The following CNTNAP4 variants were observed in gnomAD, a reference collection of about 807,000 sequenced individuals.
CNTNAP4 encodes the protein contactin associated protein family member 4, also known as contactin-associated protein-like 4.
CNTNAP4 carries 98 observed loss-of-function variants against 148.4 expected under a neutral mutation model. The observed-to-expected ratio is 0.66, with a 90% CI of 0.56 to 0.78. CNTNAP4 has a LOEUF of 0.78. Ranked by LOEUF, CNTNAP4 falls within the 30% of genes least tolerant of loss-of-function variation. The probability of loss-of-function intolerance (pLI) is 0.00; values close to 1 mark genes in which losing one functional copy is unlikely to be tolerated. For synonymous variants in CNTNAP4, 730 were observed against 565.1 expected (o/e 1.29, Z -4.14); for missense variants, 1,935 against 1,565.6 (o/e 1.24, Z -3.98).
intron 4 of CNTNAP4, among the ~76,000 whole-genome samples, chr16:76,427,871 T>A (rs1176015865): frequency 6.6e-6 from 1 of 152,208 alleles, no homozygotes; most frequent in African/African-American, 2.4e-5. Flanking sequence ...AATAGAATAT[T>A]ATTGACTATG....
At chr16:76,361,353 T>G (rs112816989) in intron 3 of CNTNAP4, among the ~76,000 whole-genome samples, 13 of 152,274 alleles carry the variant, frequency 8.5e-5, no homozygotes, top group South Asian at 4.2e-4. Context: ...CTCTATAGAT[T>G]TGACTATTTT....
intron 2 of CNTNAP4, among the ~76,000 whole-genome samples, chr16:76,352,974 A>G (rs1255962681): frequency 1.3e-5 from 2 of 152,228 alleles, no homozygotes; most frequent in African/African-American, 4.8e-5. Flanking sequence ...TGTCTATGCA[A>G]CAAGCCCTCT....
chr16:76,431,692 G>A (rs1401204098), intron 4 of CNTNAP4, among the ~76,000 whole-genome samples: 1 of 152,158 alleles, frequency 6.6e-6, no homozygotes, highest in African/African-American at 2.4e-5. Context: ...AGTAAAGGGG[G>A]AGGTAAGCAG....
intron 3 of CNTNAP4, among the ~76,000 whole-genome samples, chr16:76,356,266 G>C (rs2012630309): frequency 6.6e-6 from 1 of 151,842 alleles, no homozygotes; most frequent in African/African-American, 2.4e-5. Flanking sequence ...TCTTTCTCTG[G>C]TATATGGGGA....
chr16:76,394,530 A>C (rs917138368), intron 3 of CNTNAP4, among the ~76,000 whole-genome samples: 10 of 152,180 alleles, frequency 6.6e-5, no homozygotes, highest in African/African-American at 2.4e-4. Context: ...AATTTTCACT[A>C]ATTCCTAGAG....
At chr16:76,492,589 C>T (rs1323295181) in intron 13 of CNTNAP4, among the ~76,000 whole-genome samples, 2 of 152,116 alleles carry the variant, frequency 1.3e-5, no homozygotes, top group African/African-American at 4.8e-5. Flanking sequence ...TTGTAATAAT[C>T]CTCACGTGTC....
At chr16:76,359,966 A>G (rs902858638) in intron 3 of CNTNAP4, among the ~76,000 whole-genome samples, 4 of 152,210 alleles carry the variant, frequency 2.6e-5, no homozygotes, top group African/African-American at 7.2e-5. Context: ...TTTATGGTAA[A>G]TGCCTAAGAT....
intron 3 of CNTNAP4, among the ~76,000 whole-genome samples, chr16:76,407,304 G>A (rs74872746): frequency 0.017 from 2,635 of 152,186 alleles, 78 homozygotes; most frequent in African/African-American, 0.061. Flanking sequence ...ACAGGCAAGA[G>A]CCACTGTGTC....
chr16:76,414,762 A>C (rs1219081170), intron 3 of CNTNAP4, among the ~76,000 whole-genome samples: 2 of 151,282 alleles, frequency 1.3e-5, no homozygotes, highest in East Asian at 3.9e-4. Flanking sequence ...ATTGGTTTGG[A>C]ATTTATTTCA....
At chr16:76,320,124 C>A (rs1410346916) in intron 2 of CNTNAP4, among the ~76,000 whole-genome samples, 1 of 152,084 alleles carries the variant, frequency 6.6e-6, no homozygotes, top group East Asian at 1.9e-4. Context: ...GTGTATCTGG[C>A]AAGGGTTCAG....
intron 15 of CNTNAP4, among the ~76,000 whole-genome samples, chr16:76,501,130 A>G (rs1316200019): frequency 6.6e-6 from 1 of 152,224 alleles, no homozygotes; most frequent in Non-Finnish European, 1.5e-5. Context: ...CATCTCTGAT[A>G]TGTATCACCT....
At position 76,538,235 on chromosome 16, in the gene CNTNAP4, A is replaced by C; in HGVS notation, c.3115A>C (p.Arg1039=). The change falls in exon 19 of 24, where the codon AGA becomes CGA. Residue 1039 remains arginine, a synonymous_variant. Coordinates refer to ENST00000611870, the MANE Select transcript of CNTNAP4 (RefSeq NM_033401.5). ...ASFHGDMKLS[R]EMIKFSFRTT... ...ATTTCATGGTGATATGAAGCTGAGC[A>C]GAGAAATGATCAAATTTAGTTTCCG... is the stretch of plus-strand genomic sequence containing the variant. The C allele has an allele frequency of 6.2e-7, 1 of 1,611,902 alleles. No homozygotes were observed.
At chr16:76,450,127 G>A (rs1024173568) in intron 7 of CNTNAP4, among the ~76,000 whole-genome samples, 1 of 151,914 alleles carries the variant, frequency 6.6e-6, no homozygotes, top group African/African-American at 2.4e-5. Flanking sequence ...TTACTCACAG[G>A]AGCCTAATTT....
At chr16:76,423,190 A>G in intron 3 of CNTNAP4, among the ~76,000 whole-genome samples, 1 of 152,158 alleles carries the variant, frequency 6.6e-6, no homozygotes, top group East Asian at 1.9e-4. Context: ...TAAGATACTC[A>G]GTTTATGACT....
intron 3 of CNTNAP4, among the ~76,000 whole-genome samples, chr16:76,416,587 T>C (rs1480629591): frequency 6.6e-6 from 1 of 151,460 alleles, no homozygotes; most frequent in Admixed American, 6.6e-5. Flanking sequence ...TTTAATTCCT[T>C]TATGACCTGA....
In CNTNAP4 at chr16:76,540,809, C is replaced by A. The variant is rs1304641719; in HGVS notation, c.3442+19C>A. The A allele has an allele frequency of 6.6e-7, 1 of 1,507,982 alleles. No homozygotes were observed. Among genetic ancestry groups the A allele is most frequent in the South Asian group, 1.2e-5 (1 of 83,008 alleles). The allele number at this position is 1,507,982 out of a possible 1,614,324, so 93.4% of individuals were successfully genotyped here. A position where few individuals can be genotyped will look rare whatever the true frequency, so the allele number is the denominator to read the frequency against. On this transcript the variant is annotated intron_variant, in intron 21 of 23. Transcript: ENST00000611870. Reference sequence around the variant, plus strand: ...ATTTTAGGTAAGTGAAAGAAACAACCTTTCCCCTAACCATGCTAATCATGA... The same window carrying A: ...ATTTTAGGTAAGTGAAAGAAACAACATTTCCCCTAACCATGCTAATCATGA...
intron 17 of CNTNAP4, among the ~76,000 whole-genome samples, chr16:76,529,901 C>T (rs2083899464): frequency 6.7e-6 from 1 of 150,196 alleles, no homozygotes; most frequent in Non-Finnish European, 1.5e-5. Context: ...GTGATTTCAC[C>T]TGGGAGTGAA....
chr16:76,457,940 T>C (rs1337549370), intron 8 of CNTNAP4, among the ~76,000 whole-genome samples: 3 of 152,152 alleles, frequency 2.0e-5, no homozygotes, highest in African/African-American at 7.2e-5. Context: ...TTTAAATTCT[T>C]GCCCCATGCC....
chr16:76,534,513 C>CT (rs1204958667), intron 17 of CNTNAP4, among the ~76,000 whole-genome samples: 3 of 152,270 alleles, frequency 2.0e-5, no homozygotes, highest in African/African-American at 7.2e-5. Context: ...TTAGGGTACT[C>CT]TTTTCCCGCT....
Sources: gnomAD v4.1 joint callset for allele counts (sites outside exome capture counted in the v4.1 genomes callset) on GRCh38, gnomAD v4.1.1 for gene constraint, MANE v1.5 for transcripts, NCBI Gene and HGNC (gene_info 2026-07-23, HGNC 2026-07-21) for gene names.